The following CSNK1G3 variants were observed in gnomAD, a reference collection of about 807,000 sequenced individuals.
CSNK1G3 encodes the protein casein kinase I isoform gamma-3.
Under a neutral mutation model 64.3 loss-of-function variants are expected in CSNK1G3, and 23 were observed. The ratio of observed to expected loss-of-function variants is 0.36; its 90% CI spans 0.26 to 0.51. CSNK1G3 has a LOEUF of 0.51. CSNK1G3 is among the 20% of genes least tolerant of loss of function. The pLI, the probability that CSNK1G3 is intolerant of heterozygous loss-of-function variation, is 0.96. For missense variants in CSNK1G3, 357 were observed against 510.5 expected, an observed-to-expected ratio of 0.70 and a Z score of 2.90; for synonymous variants, 158 against 162.2, an observed-to-expected ratio of 0.97 and a Z score of 0.20.
At chr5:123,564,356 A>G (rs1054927894) in intron 4 of CSNK1G3, among the ~76,000 whole-genome samples, 2 of 152,124 alleles carry the variant, frequency 1.3e-5, no homozygotes, top group African/African-American at 4.8e-5. Flanking sequence ...AAAGCAAACC[A>G]TACTTTTGAA....
intron 10 of CSNK1G3, among the ~76,000 whole-genome samples, chr5:123,593,004 A>G (rs1279602314): frequency 6.6e-6 from 1 of 151,892 alleles, no homozygotes; most frequent in South Asian, 2.1e-4. Context: ...GAAATTCTCC[A>G]CTTGAGCTGT....
intron 10 of CSNK1G3, among the ~76,000 whole-genome samples, chr5:123,602,038 T>C (rs1371057549): frequency 1.3e-5 from 2 of 151,998 alleles, no homozygotes; most frequent in Non-Finnish European, 2.9e-5. Flanking sequence ...TTTAAATGTT[T>C]TCAGAGAGAG....
chr5:123,522,265 A>G (rs1056293738), intron 1 of CSNK1G3, among the ~76,000 whole-genome samples: 1 of 152,080 alleles, frequency 6.6e-6, no homozygotes, highest in African/African-American at 2.4e-5. Context: ...GCACTTAGGG[A>G]GGCAGAGGCA....
At chr5:123,576,087 CA>C in intron 6 of CSNK1G3, 124 bp downstream of exon 6, 3 of 592,556 alleles carry the variant, frequency 5.1e-6, no homozygotes, top group Non-Finnish European at 9.0e-6. Context: ...TTTCATTTAT[CA>C]CATCTACCTA....
intron 4 of CSNK1G3, among the ~76,000 whole-genome samples, chr5:123,570,346 C>CTTTTTTTT (rs370362447): frequency 3.8e-5 from 5 of 130,552 alleles, no homozygotes; most frequent in Non-Finnish European, 4.8e-5. Flanking sequence ...ACAGTCCTTT[C>CTTTTTTTT]TTTTTTTTTT....
intron 1 of CSNK1G3, among the ~76,000 whole-genome samples, chr5:123,522,611 T>A (rs1778320750): frequency 6.6e-6 from 1 of 152,194 alleles, no homozygotes. Context: ...TTTAGGTTAT[T>A]CCTGGATTAC....
chr5:123,543,556 A>C (rs1782031799), intron 1 of CSNK1G3, among the ~76,000 whole-genome samples: 1 of 152,102 alleles, frequency 6.6e-6, no homozygotes, highest in Non-Finnish European at 1.5e-5. Flanking sequence ...GTGTACTACA[A>C]ATTCCATTTA....
At chr5:123,523,945 A>G (rs1210949563) in intron 1 of CSNK1G3, among the ~76,000 whole-genome samples, 1 of 152,188 alleles carries the variant, frequency 6.6e-6, no homozygotes, top group Non-Finnish European at 1.5e-5. Context: ...GGTGTTAAAT[A>G]TATGGTGTAT....
chr5:123,615,915 A>AT (rs202134645), exon 13 of CSNK1G3: 3 of 152,046 alleles, frequency 2.0e-5, no homozygotes, highest in Admixed American at 2.0e-4. Flanking sequence ...GTAAAGCTAC[A>AT]TTTTTTTACT....
chr5:123,593,105 T>A (rs547593344), intron 10 of CSNK1G3, among the ~76,000 whole-genome samples: 4 of 152,002 alleles, frequency 2.6e-5, no homozygotes, highest in Admixed American at 2.6e-4. Context: ...CTTTCAGACA[T>A]GTCTTGCTAA....
intron 10 of CSNK1G3, among the ~76,000 whole-genome samples, chr5:123,597,371 A>C (rs1033757376): frequency 6.6e-6 from 1 of 152,160 alleles, no homozygotes; most frequent in African/African-American, 2.4e-5. Flanking sequence ...TTCCCTAATT[A>C]ATAAGTCACT....
At position 123,579,475 on chromosome 5, in the gene CSNK1G3, A is replaced by G. The variant is rs865835594; in HGVS notation, c.673+3512A>G. ...ACTTCAATTAAAACCAGGCACACCT[A>G]TATTTATTTACATGTTCAGAGTCTG... On this transcript the variant is annotated intron_variant, in intron 6 of 12. Coordinates refer to ENST00000345990, the Ensembl canonical transcript of CSNK1G3. 3.9e-5 allele frequency among the ~76,000 whole-genome samples: 6 copies of G among 152,010 alleles called. No homozygotes were observed. The South Asian group carries it at 8.3e-4, about 21-fold the overall frequency.
intron 2 of CSNK1G3, among the ~76,000 whole-genome samples, chr5:123,549,815 A>G (rs1322679172): frequency 1.3e-5 from 2 of 152,216 alleles, no homozygotes; most frequent in African/African-American, 4.8e-5. Flanking sequence ...TGTCTATCAT[A>G]AAAGAGCACA....
At chr5:123,570,346 C>CTTTTTTT (rs370362447) in intron 4 of CSNK1G3, among the ~76,000 whole-genome samples, 14 of 130,554 alleles carry the variant, frequency 1.1e-4, no homozygotes, top group Non-Finnish European at 1.3e-4. Flanking sequence ...ACAGTCCTTT[C>CTTTTTTT]TTTTTTTTTT....
intron 12 of CSNK1G3, among the ~76,000 whole-genome samples, chr5:123,612,230 G>A (rs1010971121): frequency 9.2e-5 from 14 of 151,992 alleles, no homozygotes; most frequent in Non-Finnish European, 1.3e-4. Flanking sequence ...TTACTGTTTG[G>A]TTTACTTAAA....
At chr5:123,551,180 G>C (rs2150339517) in intron 2 of CSNK1G3, among the ~76,000 whole-genome samples, 1 of 152,198 alleles carries the variant, frequency 6.6e-6, no homozygotes, top group Non-Finnish European at 1.5e-5. Context: ...ATTCTGTCTT[G>C]GAACTCAAAA....
chr5:123,558,297 A>C (rs1785013661), intron 4 of CSNK1G3, among the ~76,000 whole-genome samples: 1 of 152,218 alleles, frequency 6.6e-6, no homozygotes. Context: ...GATAAACTCT[A>C]AATTCAAGTG....
chr5:123,553,709 C>G (rs976141768), intron 3 of CSNK1G3, among the ~76,000 whole-genome samples: 12 of 152,200 alleles, frequency 7.9e-5, no homozygotes, highest in African/African-American at 2.4e-5. Context: ...CCCAGTATGA[C>G]AGCTGCAGAG....
chr5:123,586,799 A>C (rs565284629), intron 6 of CSNK1G3, among the ~76,000 whole-genome samples: 5 of 152,326 alleles, frequency 3.3e-5, no homozygotes, highest in Admixed American at 2.0e-4. Flanking sequence ...GCTGCTGCTG[A>C]TAAAGTTATA....
Sources: allele counts gnomAD v4.1 joint callset (sites outside exome capture counted in the v4.1 genomes callset), GRCh38; gene constraint gnomAD v4.1.1; transcripts MANE v1.5; gene names NCBI Gene and HGNC (gene_info 2026-07-23, HGNC 2026-07-21).